Variants in SMKR1 observed in about 807,000 individuals in gnomAD.
SMKR1 encodes the protein small lysine rich protein 1.
SMKR1 carries 4 observed loss-of-function variants against 4.0 expected under a neutral mutation model. That is an observed-to-expected ratio of 1.00 (90% confidence interval 0.49 to 2.30). The LOEUF is 2.30. Among genes scored for constraint, SMKR1 ranks in the 30% most tolerant of loss-of-function variants. The pLI is 0.02. For missense variants in SMKR1, 56 were observed against 81.8 expected, an observed-to-expected ratio of 0.68 and a Z score of 1.22; for synonymous variants, 38 against 32.5, an observed-to-expected ratio of 1.17 and a Z score of -0.58.
chr7:129,505,752 G>A (rs1220163610), intron 1 of SMKR1, among the ~76,000 whole-genome samples: 6 of 152,174 alleles, frequency 3.9e-5, no homozygotes, highest in African/African-American at 1.4e-4. Context: ...AAAGTGCTGA[G>A]CCACTGTGAG....
At chr7:129,511,911 G>C (rs373739747) in intron 1 of SMKR1, among the ~76,000 whole-genome samples, 1 of 152,100 alleles carries the variant, frequency 6.6e-6, no homozygotes, top group East Asian at 1.9e-4. Context: ...GGCCTGGCAA[G>C]ATGGCTCACA....
At position 129,502,678 on chromosome 7, in the gene SMKR1, C is replaced by A; in HGVS notation, c.-147C>A. On this transcript the variant is annotated 5_prime_UTR_variant, in exon 1 of 2. It adds an upstream start codon to the 5' untranslated region. Coordinates refer to ENST00000462322, the MANE Select transcript of SMKR1 (RefSeq NM_001195243.2). ...GGCGTGGCGGGGAGGCGTAGTGAGG[C>A]TGGGCCCGTGGCGGTTCCCTGAGGA... 1 of 1,252,498 alleles carries A rather than the reference C, an allele frequency of 8.0e-7. No homozygotes were observed. The highest frequency in any genetic ancestry group is 1.1e-6 in the Non-Finnish European group (1 of 905,092). The allele number at this position is 1,252,498 out of a possible 1,614,324, so 77.6% of individuals were successfully genotyped here. A position where few individuals can be genotyped will look rare whatever the true frequency, so the allele number is the denominator to read the frequency against.
chr7:129,504,612 G>A (rs1799446471), intron 1 of SMKR1, among the ~76,000 whole-genome samples: 1 of 151,902 alleles, frequency 6.6e-6, no homozygotes, highest in African/African-American at 2.4e-5. Flanking sequence ...GAGTGCGATG[G>A]CATCATACAT....
chr7:129,503,315 C>G (rs1175111311), intron 1 of SMKR1, among the ~76,000 whole-genome samples: 4 of 152,156 alleles, frequency 2.6e-5, no homozygotes, highest in Non-Finnish European at 5.9e-5. Context: ...CTCCTTCCAA[C>G]CCTCGCTGCT....
intron 1 of SMKR1, among the ~76,000 whole-genome samples, chr7:129,505,097 C>T (rs1799451416): frequency 6.6e-6 from 1 of 152,240 alleles, no homozygotes; most frequent in Non-Finnish European, 1.5e-5. Context: ...CATTGCATCT[C>T]AGTTGTGATG....
intron 1 of SMKR1, among the ~76,000 whole-genome samples, chr7:129,504,070 C>A (rs576423107): frequency 6.6e-6 from 1 of 152,092 alleles, no homozygotes; most frequent in Admixed American, 6.5e-5. Flanking sequence ...TCAAGGGATC[C>A]GCCCGCCTTG....
intron 1 of SMKR1, among the ~76,000 whole-genome samples, chr7:129,504,024 C>T (rs745762668): frequency 6.6e-6 from 1 of 151,966 alleles, no homozygotes; most frequent in South Asian, 2.1e-4. Flanking sequence ...GACAGGGTTT[C>T]GCCATGTTGC....
intron 1 of SMKR1, among the ~76,000 whole-genome samples, chr7:129,509,134 G>A (rs748579919): frequency 1.3e-5 from 2 of 151,940 alleles, no homozygotes; most frequent in African/African-American, 2.4e-5. Context: ...CCAACATGGC[G>A]AAACCCCGTC....
intron 1 of SMKR1, among the ~76,000 whole-genome samples, chr7:129,504,781 G>T (rs925268423): frequency 1.3e-5 from 2 of 152,096 alleles, no homozygotes; most frequent in African/African-American, 4.8e-5. Context: ...CTCAAACTGG[G>T]TGCAAGTGAT....
chr7:129,504,496 A>G (rs1799444481), intron 1 of SMKR1, among the ~76,000 whole-genome samples: 1 of 152,152 alleles, frequency 6.6e-6, no homozygotes. Context: ...ATCTTGTGCT[A>G]TTATAATTCC....
Position 129,502,665 on chromosome 7 carries a change from A to AG in SMKR1, c.-158dup. 1 of 1,004,146 alleles carries AG rather than the reference A, an allele frequency of 1.0e-6. No individual in the cohort carries two copies. Among genetic ancestry groups the AG allele is most frequent in the Non-Finnish European group, 1.4e-6 (1 of 720,908 alleles). 62.2% of individuals were successfully genotyped at this position (1,004,146 alleles called of 1,614,324 possible). A position where few individuals can be genotyped will look rare whatever the true frequency, so the allele number is the denominator to read the frequency against. ...CTCCTCCCAGCGAGGCGTGGCGGGG[A>AG]GGCGTAGTGAGGCTGGGCCCGTGGC... On this transcript the variant is annotated 5_prime_UTR_variant, in exon 1 of 2. Transcript: ENST00000462322.
rs80274470 is a variant in SMKR1, at chr7:129,506,356, C to T, written c.3+3529C>T. On this transcript the variant is annotated intron_variant, in intron 1 of 1. Transcript: ENST00000462322. ...ACTCAGGAGGCTGAGGTGGGAGGAT[C>T]GCTTGAGTCTGGGAGATCGAGACTG... Among the ~76,000 whole-genome samples the T allele has an allele frequency of 1.8e-3, 280 of 152,144 alleles. 1 individual carries two copies. The highest frequency in any genetic ancestry group is 6.4e-3 in the African/African-American group (264 of 41,518).
At chr7:129,511,425 C>CCTACAGATTTCAGTGTGCACTG (rs1799525550) in intron 1 of SMKR1, among the ~76,000 whole-genome samples, 1 of 152,130 alleles carries the variant, frequency 6.6e-6, no homozygotes, top group East Asian at 1.9e-4. Context: ...TCATTTCATC[C>CCTACAGATTTCAGTGTGCACTG]CTACAGATTT....
At chr7:129,506,656 A>G (rs2151027570) in intron 1 of SMKR1, among the ~76,000 whole-genome samples, 1 of 147,036 alleles carries the variant, frequency 6.8e-6, no homozygotes, top group South Asian at 2.2e-4. Context: ...ATCGTTTCTG[A>G]GATTTTATAT....
chr7:129,506,072 C>T (rs148811826), intron 1 of SMKR1, among the ~76,000 whole-genome samples: 145 of 152,244 alleles, frequency 9.5e-4, no homozygotes, highest in African/African-American at 3.4e-3. Context: ...GAAACAAAAC[C>T]TTTATTATTC....
Position 129,509,786 on chromosome 7 carries a change from G to A in SMKR1, c.4-2461G>A, listed in dbSNP as rs778195415. ...GAACTCCTGACCTTGTGATCTGCCC[G>A]CCTCAGCCTCCCAAAGTGCTGGGAT... On this transcript the variant is annotated intron_variant, in intron 1 of 1. Coordinates refer to ENST00000462322, the MANE Select transcript of SMKR1 (RefSeq NM_001195243.2). Among the ~76,000 whole-genome samples, 14 of 152,134 alleles carry A rather than the reference G, an allele frequency of 9.2e-5. No individual in the cohort carries two copies. In the South Asian group the frequency reaches 1.7e-3, roughly 18 times the overall value.
chr7:129,505,212 GAAAC>G (rs1310689652), intron 1 of SMKR1, among the ~76,000 whole-genome samples: 5 of 152,184 alleles, frequency 3.3e-5, no homozygotes, highest in South Asian at 2.1e-4. Context: ...TCTGGTGAGG[GAAAC>G]AAACAATAAA....
At chr7:129,507,280 G>T (rs189416136) in intron 1 of SMKR1, among the ~76,000 whole-genome samples, 29 of 152,224 alleles carry the variant, frequency 1.9e-4, no homozygotes, top group Non-Finnish European at 3.8e-4. Context: ...CTCCCAAAGT[G>T]CTGGGATTAT....
chr7:129,509,601 C>T (rs1016261439), intron 1 of SMKR1, among the ~76,000 whole-genome samples: 4 of 151,852 alleles, frequency 2.6e-5, no homozygotes, highest in South Asian at 4.2e-4. Context: ...AGTGCAGTGG[C>T]GTGATCTCGA....
Sources: allele counts gnomAD v4.1 joint callset (sites outside exome capture counted in the v4.1 genomes callset), GRCh38; gene constraint gnomAD v4.1.1; transcripts MANE v1.5; gene names NCBI Gene and HGNC (gene_info 2026-07-23, HGNC 2026-07-21).